MLPH: variants seen among roughly 807,000 people sequenced by gnomAD.
MLPH encodes the protein melanophilin.
In MLPH, 51 loss-of-function variants were observed where a neutral mutation model predicts 72.1. The ratio of observed to expected loss-of-function variants is 0.71; its 90% confidence interval spans 0.56 to 0.89. The LOEUF (loss-of-function observed/expected upper bound fraction) is 0.89. Ranked by LOEUF, MLPH falls within the 40% of genes least tolerant of loss-of-function variation. MLPH has a pLI of 0.00. For synonymous variants in MLPH, 301 were observed against 310.1 expected (o/e 0.97, Z 0.31); for missense variants, 743 against 759.9 (o/e 0.98, Z 0.26).
At chr2:237,528,758 A>C (rs2080358575) in intron 8 of MLPH, among the ~76,000 whole-genome samples, 1 of 152,160 alleles carries the variant, frequency 6.6e-6, no homozygotes, top group South Asian at 2.1e-4. Flanking sequence ...GTTACTTCCC[A>C]GTCTCCCTTG....
chr2:237,532,899 G>A (rs958462637), intron 8 of MLPH, among the ~76,000 whole-genome samples: 3 of 152,194 alleles, frequency 2.0e-5, no homozygotes, highest in Non-Finnish European at 4.4e-5. Flanking sequence ...AATATGGCAC[G>A]TGCCCCAGGC....
rs568517279 is a variant in MLPH, at chr2:237,552,361, G to A, written c.1700G>A (p.Arg567Gln). The change falls in exon 15 of 16, where the codon CGG (arginine) becomes CAG (glutamine). Residue 567 changes from arginine to glutamine, a missense_variant. Arg to Gln is a conservative substitution (Grantham distance 43). Coordinates refer to ENST00000264605, the MANE Select transcript of MLPH (RefSeq NM_024101.7). ...SQGKDDDSFD[R>Q]KSVYRGSLTQ... ...GGTAAAGATGATGATTCTTTTGATC[G>A]GAAATCAGTGTACCGAGGCTCGCTG... 4.2e-5 allele frequency: 68 copies of A among 1,613,912 alleles called. No homozygotes were observed. In the East Asian group the frequency reaches 1.2e-3, roughly 28 times the overall value.
chr2:237,540,349 G>A lies in MLPH; in HGVS notation c.1106G>A (p.Gly369Asp). 1 of 1,613,582 alleles carries A rather than the reference G, an allele frequency of 6.2e-7. No homozygotes were observed. The change falls in exon 10 of 16, where the codon GGT becomes GAT. Residue 369 changes from glycine (G) to aspartate (D), a missense_variant and splice_region_variant. Physicochemically the swap from Gly to Asp is moderately conservative, Grantham distance 94. Transcript: ENST00000264605. ...AAATCCACTGGCCTGTTCTGTCAGG[G>A]TCTAGGTGCTGGAGTGCGCACGGAG... is the stretch of plus-strand genomic sequence containing the variant. ...ENTVVPPLAK[G>D]LGAGVRTEAD...
intron 6 of MLPH, among the ~76,000 whole-genome samples, chr2:237,522,792 G>A (rs76364880): frequency 0.17 from 25,318 of 151,992 alleles, 2,310 homozygotes; most frequent in African/African-American, 0.23. Flanking sequence ...GGTGGGGTCT[G>A]GAATAAATAT....
intron 5 of MLPH, among the ~76,000 whole-genome samples, chr2:237,519,412 T>C (rs1348321192): frequency 1.3e-5 from 2 of 152,230 alleles, no homozygotes; most frequent in Non-Finnish European, 1.5e-5. Flanking sequence ...CCCTACATGA[T>C]AGAGCAGTTT....
intron 4 of MLPH, chr2:237,518,115 G>A: frequency 3.1e-6 from 1 of 327,310 alleles, no homozygotes; most frequent in South Asian, 2.4e-5. Context: ...GTGGATGAAG[G>A]AGGGATGGAG....
Position 237,540,544 on chromosome 2 carries a change from C to T in MLPH, c.1290+11C>T. 1 of 1,607,904 alleles carries T rather than the reference C, an allele frequency of 6.2e-7. No individual in the cohort carries two copies. The highest frequency in any genetic ancestry group is 8.5e-7 in the Non-Finnish European group (1 of 1,178,502). On this transcript the variant is annotated intron_variant, in intron 10 of 15. Transcript: ENST00000264605. ...CAGGCGGACCCGGAGGTAAGACTATCCCCCAGAGGTCTCAGCAGGACCCTG... is the reference window on the plus strand; with the variant it reads ...CAGGCGGACCCGGAGGTAAGACTATTCCCCAGAGGTCTCAGCAGGACCCTG...
At chr2:237,516,906 TGGATGGTA>T (rs1420248273) in intron 4 of MLPH, among the ~76,000 whole-genome samples, 4 of 144,286 alleles carry the variant, frequency 2.8e-5, no homozygotes, top group Admixed American at 1.3e-4. Flanking sequence ...GTAGGATGGA[TGGATGGTA>T]GGATGGATGG....
At chr2:237,500,249 C>T (rs1414033905) in intron 2 of MLPH, among the ~76,000 whole-genome samples, 2 of 152,146 alleles carry the variant, frequency 1.3e-5, no homozygotes, top group African/African-American at 4.8e-5. Flanking sequence ...CTCTTCTCTG[C>T]TCTGTGTCAC....
intron 2 of MLPH, among the ~76,000 whole-genome samples, chr2:237,495,060 C>T (rs966414094): frequency 3.3e-5 from 5 of 152,170 alleles, no homozygotes; most frequent in Admixed American, 3.3e-4. Flanking sequence ...GATTCCCTGG[C>T]TCCTGGCCCC....
At chr2:237,536,604 C>T (rs775401087) in intron 9 of MLPH, among the ~76,000 whole-genome samples, 5 of 152,274 alleles carry the variant, frequency 3.3e-5, no homozygotes, top group African/African-American at 9.6e-5. Flanking sequence ...CAAGCTCCAG[C>T]GCCCCATCGG....
chr2:237,550,986 G>A (rs72620834), intron 14 of MLPH, among the ~76,000 whole-genome samples: 29,256 of 152,170 alleles, frequency 0.19, 5,150 homozygotes, highest in African/African-American at 0.44. Context: ...GCTCACCCCC[G>A]GCCCCCTGAA....
intron 8 of MLPH, among the ~76,000 whole-genome samples, chr2:237,529,543 C>T (rs1484840892): frequency 6.6e-6 from 1 of 152,130 alleles, no homozygotes; most frequent in African/African-American, 2.4e-5. Context: ...GTTCATGTTA[C>T]CGGGGGAAAG....
chr2:237,534,529 G>A lies in MLPH; in HGVS notation c.1021-35G>A, dbSNP rs201636897. The A allele has an allele frequency of 1.9e-6, 3 of 1,571,958 alleles. No individual in the cohort carries two copies. The East Asian group carries it at 6.7e-5, about 35-fold the overall frequency. Reference sequence around the variant, plus strand: ...TGTCTTGCTGGTTGGAGTGCACTGGGTCCTCTGCCCACTGTTTCTCTCCTT... The same window carrying A: ...TGTCTTGCTGGTTGGAGTGCACTGGATCCTCTGCCCACTGTTTCTCTCCTT... On this transcript the variant is annotated intron_variant, in intron 8 of 15. Coordinates refer to ENST00000264605, the MANE Select transcript of MLPH (RefSeq NM_024101.7).
chr2:237,540,271 A>G (rs1283609118), intron 9 of MLPH, 77 bp from the exon 10 acceptor site: 3 of 1,545,364 alleles, frequency 1.9e-6, no homozygotes, highest in African/African-American at 1.4e-5. Context: ...GCCCTGGCCC[A>G]TCTCCCAGAG....
chr2:237,528,824 C>A (rs998982615), intron 8 of MLPH, among the ~76,000 whole-genome samples: 13 of 152,328 alleles, frequency 8.5e-5, no homozygotes, highest in African/African-American at 3.1e-4. Context: ...TTTGTCTATT[C>A]TGGACATTTC....
At chr2:237,530,272 G>C (rs1403790348) in intron 8 of MLPH, among the ~76,000 whole-genome samples, 2 of 152,196 alleles carry the variant, frequency 1.3e-5, no homozygotes, top group African/African-American at 4.8e-5. Flanking sequence ...CAGGAAATCT[G>C]TCCCGTGGCT....
chr2:237,488,083 G>C (rs375733470), intron 1 of MLPH, among the ~76,000 whole-genome samples: 3 of 152,048 alleles, frequency 2.0e-5, no homozygotes, highest in Admixed American at 6.5e-5. Flanking sequence ...TCCCTTCCCC[G>C]GGCTTAGACA....
chr2:237,548,792 T>C (rs549270632), intron 13 of MLPH, among the ~76,000 whole-genome samples: 1 of 152,128 alleles, frequency 6.6e-6, no homozygotes, highest in Non-Finnish European at 1.5e-5. Context: ...GGCGAGAGAA[T>C]GGCATAAACC....
Sources: gnomAD v4.1 joint callset for allele counts (sites outside exome capture counted in the v4.1 genomes callset) on GRCh38, gnomAD v4.1.1 for gene constraint, MANE v1.5 for transcripts, NCBI Gene and HGNC (gene_info 2026-07-23, HGNC 2026-07-21) for gene names.